Variants in DIAPH2 observed in about 807,000 individuals in gnomAD.
The protein encoded by DIAPH2 is diaphanous related formin 2.
In DIAPH2, 35 loss-of-function variants were observed where a neutral mutation model predicts 92.7. That is an observed-to-expected ratio of 0.38 (90% CI 0.29 to 0.50). The LOEUF (loss-of-function observed/expected upper bound fraction) is 0.50, where lower values mean the gene tolerates loss of function less well. DIAPH2 is among the 20% of genes least tolerant of loss of function. DIAPH2 has a pLI of 0.94. For synonymous variants in DIAPH2, 301 were observed against 280.4 expected, an observed-to-expected ratio of 1.07 and a Z score of -0.73; for missense variants, 701 against 819.5, an observed-to-expected ratio of 0.86 and a Z score of 1.77.
intron 3 of DIAPH2, among the ~76,000 whole-genome samples, chrX:96,739,651 A>G (rs933431080): frequency 5.4e-5 from 6 of 111,939 alleles, no homozygotes; most frequent in African/African-American, 1.9e-4. Flanking sequence ...TTGAATAAAT[A>G]TTTGTTGGTA....
chrX:97,161,093 G>A (rs1315627012), intron 22 of DIAPH2, among the ~76,000 whole-genome samples: 1 of 101,983 alleles, frequency 9.8e-6, no homozygotes, highest in Non-Finnish European at 2.0e-5. Flanking sequence ...TATAGTGGCG[G>A]GATGCAGCCG....
intron 1 of DIAPH2, among the ~76,000 whole-genome samples, chrX:96,707,699 A>G (rs372866497): frequency 9.0e-6 from 1 of 110,645 alleles, no homozygotes; most frequent in African/African-American, 3.3e-5. Context: ...AAAAGAAAAA[A>G]AAATGCTTGG....
chrX:97,197,724 A>C (rs1223478484), intron 22 of DIAPH2, among the ~76,000 whole-genome samples: 1 of 111,511 alleles, frequency 9.0e-6, no homozygotes, highest in Non-Finnish European at 1.9e-5. Flanking sequence ...TATATATTTG[A>C]TTTGCAGAAT....
At chrX:97,531,814 T>A (rs1458587840) in intron 26 of DIAPH2, among the ~76,000 whole-genome samples, 1 of 112,399 alleles carries the variant, frequency 8.9e-6, no homozygotes, top group Non-Finnish European at 1.9e-5. Context: ...GAAATACATT[T>A]TACGTGTCCT....
intron 25 of DIAPH2, among the ~76,000 whole-genome samples, chrX:97,427,366 GTTCAT>G (rs1179192950): frequency 9.0e-6 from 1 of 111,288 alleles, no homozygotes; most frequent in African/African-American, 3.3e-5. Context: ...CTAATTCCTA[GTTCAT>G]TTCAACTTCT....
At chrX:96,914,905 C>G (rs2065493278) in intron 7 of DIAPH2, among the ~76,000 whole-genome samples, 1 of 111,181 alleles carries the variant, frequency 9.0e-6, no homozygotes, top group Admixed American at 9.5e-5. Flanking sequence ...ATGCAGTGAT[C>G]TTTTCACTTC....
intron 23 of DIAPH2, among the ~76,000 whole-genome samples, chrX:97,267,810 T>C (rs772107945): frequency 9.0e-6 from 1 of 111,565 alleles, no homozygotes; most frequent in South Asian, 3.8e-4. Context: ...CCAGACCTCA[T>C]TGATTTCCTT....
chrX:97,251,223 G>C, intron 23 of DIAPH2, among the ~76,000 whole-genome samples: 1 of 111,897 alleles, frequency 8.9e-6, no homozygotes, highest in Non-Finnish European at 1.9e-5. Context: ...ATGTGACACA[G>C]GAAACTCCAT....
chrX:97,578,396 C>A, intron 26 of DIAPH2, among the ~76,000 whole-genome samples: 1 of 106,953 alleles, frequency 9.3e-6, no homozygotes, highest in Admixed American at 1.0e-4. Context: ...GTTCAATTCC[C>A]ACCTATGAGT....
At chrX:97,060,478 T>C (rs2066589927) in intron 17 of DIAPH2, among the ~76,000 whole-genome samples, 1 of 111,398 alleles carries the variant, frequency 9.0e-6, no homozygotes, top group African/African-American at 3.3e-5. Flanking sequence ...TTATTTTGTA[T>C]GGTAATAGCT....
intron 17 of DIAPH2, among the ~76,000 whole-genome samples, chrX:97,026,462 T>A (rs189102980): frequency 5.3e-5 from 6 of 112,506 alleles, no homozygotes; most frequent in Non-Finnish European, 1.1e-4. Flanking sequence ...TTGCAGTACA[T>A]CTGAGTTATA....
At chrX:97,223,256 T>A (rs1021785418) in intron 22 of DIAPH2, among the ~76,000 whole-genome samples, 2 of 111,856 alleles carry the variant, frequency 1.8e-5, no homozygotes, top group Non-Finnish European at 3.8e-5. Context: ...TATATATGGC[T>A]CAAATTTTTA....
In DIAPH2 at chrX:96,812,405, C is replaced by T. The variant is rs150958423; in HGVS notation, c.447+54147C>T. 5.4e-3 allele frequency among the ~76,000 whole-genome samples: 608 copies of T among 111,641 alleles called. 5 individuals are homozygous for T. The highest frequency in any genetic ancestry group is 0.019 in the African/African-American group (571 of 30,633). ...TTTTTATTGCATCTATTCAATTCTT[C>T]TCTCTTTTCTTCTTTATTAGTCTTG... On this transcript the variant is annotated intron_variant, in intron 4 of 26. Transcript: ENST00000324765.
chrX:96,854,444 A>T (rs929249986), intron 4 of DIAPH2, among the ~76,000 whole-genome samples: 7 of 105,465 alleles, frequency 6.6e-5, no homozygotes, highest in Non-Finnish European at 1.2e-4. Context: ...GCAGGCATAT[A>T]CAATAGTCCC....
chrX:96,815,837 T>G (rs1262957016), intron 4 of DIAPH2, among the ~76,000 whole-genome samples: 3 of 110,956 alleles, frequency 2.7e-5, no homozygotes, highest in East Asian at 2.8e-4. Context: ...GCTATTTTTT[T>G]TTGTTGTATT....
At chrX:97,461,848 A>G (rs1225197584) in intron 26 of DIAPH2, among the ~76,000 whole-genome samples, 1 of 111,693 alleles carries the variant, frequency 9.0e-6, no homozygotes, top group East Asian at 2.8e-4. Context: ...ATACTTTGTT[A>G]TTTAAAATAG....
chrX:97,589,026 T>TATATATATATATATAA (rs1186044758), intron 26 of DIAPH2, among the ~76,000 whole-genome samples: 8 of 84,907 alleles, frequency 9.4e-5, no homozygotes, highest in African/African-American at 2.8e-4. Context: ...TATATATATA[T>TATATATATATATATAA]AAAAGAATCA....
intron 26 of DIAPH2, among the ~76,000 whole-genome samples, chrX:97,570,075 AATAT>A (rs1164491863): frequency 0.053 from 642 of 12,032 alleles, 38 homozygotes; most frequent in Non-Finnish European, 0.063. Flanking sequence ...AAGGCCTTCT[AATAT>A]ATATATATAT....
At chrX:97,059,213 C>A (rs927196218) in intron 17 of DIAPH2, among the ~76,000 whole-genome samples, 1 of 111,788 alleles carries the variant, frequency 8.9e-6, no homozygotes, top group Non-Finnish European at 1.9e-5. Context: ...TAACAGTGTA[C>A]ACAATAGCTC....
Sources: allele counts gnomAD v4.1 joint callset (sites outside exome capture counted in the v4.1 genomes callset), GRCh38; gene constraint gnomAD v4.1.1; transcripts MANE v1.5; gene names NCBI Gene and HGNC (gene_info 2026-07-23, HGNC 2026-07-21).